DLL4: variants seen among roughly 807,000 people sequenced by gnomAD.
DLL4 encodes delta like canonical Notch ligand 4, also known as delta-like protein 4.
In DLL4, 7 loss-of-function variants were observed where a neutral mutation model predicts 73.6. The observed-to-expected ratio is 0.10, with a 90% CI of 0.05 to 0.18. The LOEUF is 0.18. DLL4 is among the 10% of genes least tolerant of loss of function. The pLI is 1.00. For missense variants in DLL4, 614 were observed against 929.9 expected, an observed-to-expected ratio of 0.66 and a Z score of 4.42; for synonymous variants, 345 against 374.3, an observed-to-expected ratio of 0.92 and a Z score of 0.90.
chr15:40,935,338 G>C (rs1354224074), intron 8 of DLL4, among the ~76,000 whole-genome samples: 6 of 152,232 alleles, frequency 3.9e-5, no homozygotes, highest in Non-Finnish European at 8.8e-5. Context: ...ACCCTGCATA[G>C]CTTCCATTCC....
Position 40,932,380 on chromosome 15 carries a change from C to T in DLL4, c.783C>T (p.His261=), listed in dbSNP as rs368180703. 3.5e-5 allele frequency: 56 copies of T among 1,613,942 alleles called. No individual in the cohort carries two copies. Among genetic ancestry groups the T allele is most frequent in the South Asian group, 3.2e-4 (29 of 91,080 alleles). Residue 261 remains histidine (H), a synonymous_variant, in exon 6 of 11, where the codon CAC becomes CAT. Coordinates refer to ENST00000249749, the MANE Select transcript of DLL4 (RefSeq NM_019074.4). The part of the protein sequence containing the change: ...NECIPHNGCR[H]GTCSTPWQCT... ...GCATCCCCCACAATGGCTGTCGCCA[C>T]GGCACCTGCAGCACTCCCTGGCAAT...
At chr15:40,936,965 CG>C in intron 9 of DLL4, 35 bp downstream of exon 9, 1 of 1,507,474 alleles carries the variant, frequency 6.6e-7, no homozygotes, top group Non-Finnish European at 8.9e-7. Flanking sequence ...GCCTGGCCAC[CG>C]GCCCCGACAT....
At chr15:40,931,849 C>G (rs911591638) in intron 4 of DLL4, 83 bp downstream of exon 4, 1 of 1,545,656 alleles carries the variant, frequency 6.5e-7, no homozygotes, top group Non-Finnish European at 8.8e-7. Flanking sequence ...CAGCTTGCCT[C>G]CCTTGAAGAG....
chr15:40,930,713 G>GC lies in DLL4; in HGVS notation c.394+32dup. On this transcript the variant is annotated intron_variant, in intron 3 of 10. Coordinates refer to ENST00000249749, the MANE Select transcript of DLL4 (RefSeq NM_019074.4). This position sits in a 1 kb window ranked among gnomAD's most constrained non-coding sequence, Gnocchi z 5.7. ...TAGCTCGCTCCGCCACCACAGGGGG[G>GC]CGACACGGCGCAGCGCCGAAAGAGT... The GC allele has an allele frequency of 1.2e-6, 2 of 1,607,708 alleles. No homozygotes were observed. The highest frequency in any genetic ancestry group is 1.7e-6 in the Non-Finnish European group (2 of 1,174,872).
Position 40,936,863 on chromosome 15 carries a change from A to G in DLL4, c.1876A>G (p.Thr626Ala). The G allele has an allele frequency of 1.9e-6, 3 of 1,613,032 alleles. No homozygotes were observed. Among genetic ancestry groups the G allele is most frequent in the Non-Finnish European group, 2.5e-6 (3 of 1,179,794 alleles). Residue 626 changes from threonine to alanine, a missense_variant, in exon 9 of 11, where the codon ACC becomes GCC. Around this residue, in one of 3 missense-constraint regions of DLL4, gnomAD observed 386 missense variants for 541.3 expected, o/e 0.71. Coordinates refer to ENST00000249749, the MANE Select transcript of DLL4 (RefSeq NM_019074.4). ...GGCCCCAGGGCCCCTGGGGCGGGGG[A>G]CCATGCCAGGAAAGTTTCCCCACAG... ...NLAPGPLGRG[T>A]MPGKFPHSDK...
chr15:40,932,560 C>T (rs1892785079), intron 6 of DLL4, 113 bp downstream of exon 6: 2 of 1,360,946 alleles, frequency 1.5e-6, no homozygotes, highest in Non-Finnish European at 2.0e-6. Context: ...ACTTGGCTTT[C>T]CCATGATCTT....
In DLL4 at chr15:40,938,036, G is replaced by A; in HGVS notation, c.*2G>A. On this transcript the variant is annotated 3_prime_UTR_variant, in exon 11 of 11. Transcript: ENST00000249749. ...CCTTCCGCTTGCTCCCAGGTATAAG[G>A]CAGGAGCCTACCTGGACATCCCTGC... 6.3e-7 allele frequency: 1 copy of A among 1,584,720 alleles called. No individual in the cohort carries two copies. Among genetic ancestry groups the A allele is most frequent in the South Asian group, 1.2e-5 (1 of 86,452 alleles).
rs576862946 is a variant in DLL4, at chr15:40,934,767, G to T, written c.1020+50G>T. ...GACAGAGGTGTCAGGTGGTGTCTGG[G>T]CATCCCTAACCTAGGCAGTTAGTGG... On this transcript the variant is annotated intron_variant, in intron 7 of 10. Coordinates refer to ENST00000249749, the MANE Select transcript of DLL4 (RefSeq NM_019074.4). 6.9e-6 allele frequency: 11 copies of T among 1,598,660 alleles called. No individual in the cohort carries two copies. In the East Asian group the frequency reaches 2.2e-4, roughly 33 times the overall value.
At chr15:40,932,681 C>G (rs1892786528) in intron 6 of DLL4, among the ~76,000 whole-genome samples, 1 of 151,976 alleles carries the variant, frequency 6.6e-6, no homozygotes, top group Non-Finnish European at 1.5e-5. Context: ...GCTGAAAAAC[C>G]CAGGGGGGTG....
chr15:40,934,846 A>G, intron 7 of DLL4, 52 bp from the exon 8 acceptor site: 1 of 1,594,380 alleles, frequency 6.3e-7, no homozygotes, highest in South Asian at 1.1e-5. Context: ...CTTCAGTCAC[A>G]CATCCCTGCC....
chr15:40,934,572 C>T lies in DLL4; in HGVS notation c.875C>T (p.Ser292Phe), dbSNP rs775291009. ...GATCTCAACTACTGCACCCACCACT[C>T]CCCATGCAAGAATGGGGCAACGTGC... is the stretch of plus-strand genomic sequence containing the variant. ...DQDLNYCTHH[S>F]PCKNGATCSN... The change falls in exon 7 of 11, where the codon TCC (serine) becomes TTC (phenylalanine). Residue 292 changes from serine to phenylalanine, a missense_variant. Ser to Phe is a radical substitution (Grantham distance 155). This residue lies in a region of DLL4 where 386 missense variants were observed against 541.3 expected (regional missense o/e 0.71). Transcript: ENST00000249749. 1.2e-6 allele frequency: 2 copies of T among 1,613,872 alleles called. No homozygotes were observed. The highest frequency in any genetic ancestry group is 1.3e-5 in the African/African-American group (1 of 75,030).
intron 8 of DLL4, among the ~76,000 whole-genome samples, chr15:40,935,595 GCTCCCAGGTGACC>G (rs1197473787): frequency 6.6e-6 from 1 of 152,130 alleles, no homozygotes; most frequent in Non-Finnish European, 1.5e-5. Flanking sequence ...TGTCTATCTG[GCTCCCAGGTGACC>G]CTCTGTGAGG....
In DLL4 at chr15:40,939,022, C is replaced by T. The variant is rs992745054; in HGVS notation, c.*988C>T. On this transcript the variant is annotated 3_prime_UTR_variant, in exon 11 of 11. Coordinates refer to ENST00000249749, the MANE Select transcript of DLL4 (RefSeq NM_019074.4). ...GCACTGACCTTTCTACATTTTATAA[C>T]ATTATTTTGTATATAATGTGTATTT... is the stretch of plus-strand genomic sequence containing the variant. The T allele has an allele frequency of 2.1e-5, 3 of 145,932 alleles. No homozygotes were observed. Among genetic ancestry groups the T allele is most frequent in the African/African-American group, 7.6e-5 (3 of 39,482 alleles). 9.0% of individuals were successfully genotyped at this position (145,932 alleles called of 1,614,324 possible).
Position 40,935,147 on chromosome 15 carries a change from G to T in DLL4, c.1240+30G>T, listed in dbSNP as rs549746984. ...GTGCTGCTGCCCTGCTAACCTGGTG[G>T]ACTGGCCCTGGGGCTGAGAGAGACT... On this transcript the variant is annotated intron_variant, in intron 8 of 10. Coordinates refer to ENST00000249749, the MANE Select transcript of DLL4 (RefSeq NM_019074.4). 3 of 1,593,424 alleles carry T rather than the reference G, an allele frequency of 1.9e-6. No homozygotes were observed. In the African/African-American group the frequency reaches 4.0e-5, roughly 21 times the overall value.
chr15:40,938,691 T>G lies in DLL4; in HGVS notation c.*657T>G, dbSNP rs528350934. 6.5e-6 allele frequency: 1 copy of G among 152,732 alleles called. No individual in the cohort carries two copies. Among genetic ancestry groups the G allele is most frequent in the East Asian group, 1.9e-4 (1 of 5,188 alleles). 9.5% of individuals were successfully genotyped at this position (152,732 alleles called of 1,614,324 possible). A position where few individuals can be genotyped will look rare whatever the true frequency, so the allele number is the denominator to read the frequency against. On this transcript the variant is annotated 3_prime_UTR_variant, in exon 11 of 11. Transcript: ENST00000249749. ...TTCCACCACCCTCTGGCCCTGGGCT[T>G]CTGTAAGCAGACAGGCAGAGGGCCT...
rs115657051 is a variant in DLL4 at position 40,929,789 on chromosome 15, C to G, written c.66+55C>G. 5 of 1,606,798 alleles carry G rather than the reference C, an allele frequency of 3.1e-6. No individual in the cohort carries two copies. In the Admixed American group the frequency reaches 5.0e-5, roughly 16 times the overall value. ...TCTGCCGCGCTCTGGGCCTCAGCCC[C>G]GGGCACCAGCTGAGCTGACCGGTCC... On this transcript the variant is annotated intron_variant, in intron 1 of 10. Transcript: ENST00000249749. The surrounding 1 kb of genome is among the most constrained non-coding windows in gnomAD (Gnocchi z 7.1).
chr15:40,935,615 G>GAGGC (rs757447261), intron 8 of DLL4, among the ~76,000 whole-genome samples: 1 of 152,172 alleles, frequency 6.6e-6, no homozygotes, highest in African/African-American at 2.4e-5. Flanking sequence ...GACCCTCTGT[G>GAGGC]AGGCAGGCAG....
rs912593004 is a variant in DLL4, at chr15:40,930,616, C to A, written c.337-9C>A. The A allele has an allele frequency of 7.4e-6, 12 of 1,613,754 alleles. No homozygotes were observed. Among genetic ancestry groups the A allele is most frequent in the Non-Finnish European group, 1.0e-5 (12 of 1,179,844 alleles). On this transcript the variant is annotated splice_polypyrimidine_tract_variant and intron_variant, in intron 2 of 10. Transcript: ENST00000249749. This position sits in a 1 kb window ranked among gnomAD's most constrained non-coding sequence, Gnocchi z 5.7. ...CGCCATCTCTCCGTCCCCCCACCCCCTTTCCCAGGGTACCTTCTCGCTCAT... is the reference window on the plus strand; with the variant it reads ...CGCCATCTCTCCGTCCCCCCACCCCATTTCCCAGGGTACCTTCTCGCTCAT...
intron 6 of DLL4, among the ~76,000 whole-genome samples, chr15:40,933,139 G>C (rs867431316): frequency 6.6e-6 from 1 of 152,214 alleles, no homozygotes; most frequent in Non-Finnish European, 1.5e-5. Context: ...AGGATCAAAT[G>C]GGTGCACCTG....
Sources: gnomAD v4.1 joint callset for allele counts (sites outside exome capture counted in the v4.1 genomes callset) on GRCh38, gnomAD v4.1.1 for gene constraint, gnomAD v4.1.1 regional missense constraint, Gnocchi (gnomAD v3.1) non-coding constraint, MANE v1.5 for transcripts, NCBI Gene and HGNC (gene_info 2026-07-23, HGNC 2026-07-21) for gene names.